Variants in PIGG observed in about 807,000 individuals in gnomAD.
PIGG encodes the protein phosphatidylinositol glycan anchor biosynthesis class G (EMM blood group).
A neutral mutation model predicts 83.2 loss-of-function variants in PIGG; 70 were observed. That is an observed-to-expected ratio of 0.84 (90% CI 0.69 to 1.03). The LOEUF (loss-of-function observed/expected upper bound fraction) is 1.03, where lower values mean the gene tolerates loss of function less well. Ranked by LOEUF, PIGG falls within the 50% of genes least tolerant of loss-of-function variation. PIGG has a pLI of 0.00. For missense variants in PIGG, 1,257 were observed against 1,233.6 expected (o/e 1.02, Z -0.28); for synonymous variants, 532 against 519.5 (o/e 1.02, Z -0.33).
At chr4:506,185 G>T (rs1334448023) in intron 3 of PIGG, among the ~76,000 whole-genome samples, 2 of 152,124 alleles carry the variant, frequency 1.3e-5, no homozygotes, top group Admixed American at 6.5e-5. Flanking sequence ...GGGCAGAGAG[G>T]ATCAGGAAGG....
At position 507,557 on chromosome 4, in the gene PIGG, C is replaced by T. The variant is rs782415035; in HGVS notation, c.723C>T (p.Ser241=). The change falls in exon 4 of 13, where the codon AGC becomes AGT. Residue 241 remains serine, a synonymous_variant. Transcript: ENST00000453061. ...LIGQKLSEMD[S]VLMKIHTSLQ... ...GGCAGAAGCTGAGCGAGATGGACAG[C>T]GTGCTGATGAAGATCCACACCTCAC... The T allele has an allele frequency of 5.0e-5, 80 of 1,613,514 alleles. No homozygotes were observed. Among genetic ancestry groups the T allele is most frequent in the East Asian group, 2.0e-4 (9 of 44,878 alleles).
At chr4:514,180 C>T (rs1233457921) in intron 5 of PIGG, among the ~76,000 whole-genome samples, 2 of 152,166 alleles carry the variant, frequency 1.3e-5, no homozygotes, top group South Asian at 2.1e-4. Context: ...TTCTTTCATC[C>T]GTGCCCACAC....
At chr4:514,553 G>C (rs929092833) in intron 5 of PIGG, among the ~76,000 whole-genome samples, 9 of 152,146 alleles carry the variant, frequency 5.9e-5, no homozygotes, top group Non-Finnish European at 1.2e-4. Context: ...GTGGAAGGTG[G>C]TATTTCAAGA....
Position 508,883 on chromosome 4 carries a change from T to C in PIGG, c.814T>C (p.Ser272Pro). The C allele has an allele frequency of 6.2e-7, 1 of 1,613,828 alleles. No homozygotes were observed. Among genetic ancestry groups the C allele is most frequent in the Non-Finnish European group, 8.5e-7 (1 of 1,179,684 alleles). The change falls in exon 5 of 13, where the codon TCT (serine) becomes CCT (proline). Residue 272 changes from serine (S) to proline (P), a missense_variant. Transcript: ENST00000453061. ...GGTTCTTTGTGGTGACCATGGCATG[T>C]CTGAAACAGGAAGTCACGGGGCCTC... is the stretch of plus-strand genomic sequence containing the variant. ...LLVLCGDHGMSETGSHGASST... is the reference protein window; with the variant it reads ...LLVLCGDHGMPETGSHGASST...
intron 12 of PIGG, among the ~76,000 whole-genome samples, chr4:534,400 C>G (rs1301968585): frequency 6.6e-6 from 1 of 151,356 alleles, no homozygotes; most frequent in Non-Finnish European, 1.5e-5. Flanking sequence ...CCCCAGAGAC[C>G]CTGCTGGAGC....
Position 505,742 on chromosome 4 carries a change from G to C in PIGG, c.385G>C (p.Gly129Arg). 1 of 1,613,602 alleles carries C rather than the reference G, an allele frequency of 6.2e-7. No homozygotes were observed. Among genetic ancestry groups the C allele is most frequent in the Non-Finnish European group, 8.5e-7 (1 of 1,179,900 alleles). The change falls in exon 3 of 13, where the codon GGC (glycine) becomes CGC (arginine). Residue 129 changes from glycine (G) to arginine (R), a missense_variant. Transcript: ENST00000453061. ...GGCATTGATGACGGGGAGCCTTCCTGGCTTTGTCGACGTCATCAGGAACCT... is the reference window on the plus strand; with the variant it reads ...GGCATTGATGACGGGGAGCCTTCCTCGCTTTGTCGACGTCATCAGGAACCT... ...IKALMTGSLP[G>R]FVDVIRNLNS...
rs1485283900 is a variant in PIGG, at chr4:521,171, GCAGTAC to G, written c.1232_1237del (p.Gln411_Tyr412del). ...TCAACCTGGGCTCCAAGGTTCTCAG[GCAGTAC>G]CTGGATGCTCTGAAGACGCTGAGCT... On this transcript the variant is annotated inframe_deletion, in exon 7 of 13. Transcript: ENST00000453061. 1 of 1,614,034 alleles carries G rather than the reference GCAGTAC, an allele frequency of 6.2e-7. No homozygotes were observed. The highest frequency in any genetic ancestry group is 2.2e-5 in the East Asian group (1 of 44,876).
intron 10 of PIGG, among the ~76,000 whole-genome samples, chr4:530,086 G>GT (rs1728646552): frequency 1.3e-5 from 2 of 152,194 alleles, no homozygotes; most frequent in East Asian, 1.9e-4. Context: ...AGTGCGTTGG[G>GT]TTTTTTTTAA....
intron 10 of PIGG, chr4:527,977 G>T (rs1289363927): frequency 2.2e-5 from 22 of 985,312 alleles, no homozygotes; most frequent in Non-Finnish European, 2.7e-5. Flanking sequence ...GTCCACTGAA[G>T]TGTCCTTCAC....
chr4:526,840 A>G, intron 9 of PIGG, 199 bp from the exon 10 acceptor site: 2 of 644,144 alleles, frequency 3.1e-6, no homozygotes, highest in Non-Finnish European at 5.3e-6. Context: ...GAGCCACCAC[A>G]CCCCACTGAG....
intron 8 of PIGG, chr4:522,307 C>T: frequency 2.0e-6 from 1 of 497,564 alleles, no homozygotes; most frequent in Non-Finnish European, 3.6e-6. Context: ...GGAGCTGCAG[C>T]TGAGGGAAGA....
intron 2 of PIGG, chr4:502,074 T>C (rs1338828850): frequency 6.6e-6 from 1 of 152,230 alleles, no homozygotes; most frequent in Non-Finnish European, 1.5e-5. Flanking sequence ...CTTTATCTGC[T>C]CTATCAGAAG....
In PIGG at chr4:527,055, G is replaced by A. The variant is rs142598041; in HGVS notation, c.2086G>A (p.Glu696Lys). ...TCATTTCAGCTCTGACCACAAAGCC[G>A]AGCTCTCTGTCCTGGCTGCCCTCTC... ...HWLTSSDHKAELSVLAALSLL... is the reference protein window; with the variant it reads ...HWLTSSDHKAKLSVLAALSLL... The change falls in exon 10 of 13, where the codon GAG (glutamate) becomes AAG (lysine). Residue 696 changes from glutamate (E) to lysine (K), a missense_variant. Coordinates refer to ENST00000453061, the MANE Select transcript of PIGG (RefSeq NM_001127178.3). 1.2e-4 allele frequency: 198 copies of A among 1,613,938 alleles called. No individual in the cohort carries two copies. In the Middle Eastern group the frequency reaches 2.6e-3, roughly 21 times the overall value.
chr4:500,505 A>C lies in PIGG; in HGVS notation c.264A>C (p.Lys88Asn). The C allele has an allele frequency of 6.8e-6, 11 of 1,613,462 alleles. No individual in the cohort carries two copies. Among genetic ancestry groups the C allele is most frequent in the Non-Finnish European group, 9.3e-6 (11 of 1,179,380 alleles). Residue 88 changes from lysine to asparagine, a missense_variant, in exon 2 of 13, where the codon AAA becomes AAC. Coordinates refer to ENST00000453061, the MANE Select transcript of PIGG (RefSeq NM_001127178.3). ...TTGTGTTTGGGTCAAAGGGTGTGAA[A>C]TTTATGCCCTACACAACTTACCTTG... ...DDFVFGSKGV[K>N]FMPYTTYLVE...
At position 499,269 on chromosome 4, in the gene PIGG, A is replaced by C. The variant is rs2108735004; in HGVS notation, c.-67A>C. On this transcript the variant is annotated 5_prime_UTR_variant, in exon 1 of 13. Coordinates refer to ENST00000453061, the MANE Select transcript of PIGG (RefSeq NM_001127178.3). ...CTTAGAGGCGGCTACCTGGAGCCGG[A>C]AGCGCGGCTGCAGCAGGGCGAGGCT... 6.5e-7 allele frequency: 1 copy of C among 1,547,334 alleles called. No individual in the cohort carries two copies. Among genetic ancestry groups the C allele is most frequent in the Non-Finnish European group, 8.7e-7 (1 of 1,144,830 alleles).
At chr4:530,144 A>G (rs931847459) in intron 10 of PIGG, among the ~76,000 whole-genome samples, 1 of 152,138 alleles carries the variant, frequency 6.6e-6, no homozygotes, top group African/African-American at 2.4e-5. Flanking sequence ...GGGTCGTGCC[A>G]CCAGATGAGC....
chr4:502,936 A>G (rs782744747), intron 2 of PIGG, among the ~76,000 whole-genome samples: 4 of 152,084 alleles, frequency 2.6e-5, no homozygotes, highest in South Asian at 2.1e-4. Context: ...AGAGGTTCGG[A>G]TCAAGGAGGG....
Position 515,877 on chromosome 4 carries a change from T to C in PIGG, c.902-96T>C. On this transcript the variant is annotated intron_variant, in intron 5 of 12. Coordinates refer to ENST00000453061, the MANE Select transcript of PIGG (RefSeq NM_001127178.3). This position sits in a 1 kb window ranked among gnomAD's most constrained non-coding sequence, Gnocchi z 4.2. ...TTGAGTGGTGTGAAGAGACGGATCA[T>C]TTGGCTCATGTTAGTTGTAGAAGGT... 1 of 910,632 alleles carries C rather than the reference T, an allele frequency of 1.1e-6. No individual in the cohort carries two copies. Among genetic ancestry groups the C allele is most frequent in the Non-Finnish European group, 1.8e-6 (1 of 552,194 alleles). The allele number at this position is 910,632 out of a possible 1,614,324, so 56.4% of individuals were successfully genotyped here. A position where few individuals can be genotyped will look rare whatever the true frequency, so the allele number is the denominator to read the frequency against.
At chr4:516,419 A>G (rs953500368) in intron 6 of PIGG, among the ~76,000 whole-genome samples, 1 of 152,170 alleles carries the variant, frequency 6.6e-6, no homozygotes, top group South Asian at 2.1e-4. Flanking sequence ...TTCAACAACT[A>G]TTTACCAGGA....
Sources: allele counts gnomAD v4.1 joint callset (sites outside exome capture counted in the v4.1 genomes callset), GRCh38; gene constraint gnomAD v4.1.1; non-coding constraint Gnocchi (gnomAD v3.1); transcripts MANE v1.5; gene names NCBI Gene and HGNC (gene_info 2026-07-23, HGNC 2026-07-21).